Variants in COLGALT2 observed in about 807,000 individuals in gnomAD.
The protein encoded by COLGALT2 is collagen beta(1-O)galactosyltransferase 2.
COLGALT2 carries 49 observed loss-of-function variants against 73.4 expected under a neutral mutation model. That is an observed-to-expected ratio of 0.67 (90% CI 0.53 to 0.85). The LOEUF (loss-of-function observed/expected upper bound fraction) is 0.85. Among genes scored for constraint, COLGALT2 ranks in the 40% least tolerant of loss-of-function variants. The probability of loss-of-function intolerance (pLI) is 0.00; values close to 1 mark genes in which losing one functional copy is unlikely to be tolerated. For synonymous variants in COLGALT2, 295 were observed against 307.6 expected (o/e 0.96, Z 0.43); for missense variants, 722 against 790.2 (o/e 0.91, Z 1.03).
chr1:183,946,867 T>TA (rs1233121628), intron 8 of COLGALT2, among the ~76,000 whole-genome samples: 2 of 152,022 alleles, frequency 1.3e-5, no homozygotes, highest in Non-Finnish European at 2.9e-5. Flanking sequence ...CCATCTCTAC[T>TA]AAAAATACAA....
At position 183,937,371 on chromosome 1, in the gene COLGALT2, T is replaced by C. The variant is rs1022145857; in HGVS notation, c.*1390A>G. 4.0e-6 allele frequency: 4 copies of C among 1,004,564 alleles called. No homozygotes were observed. Among genetic ancestry groups the C allele is most frequent in the Admixed American group, 6.0e-5 (1 of 16,770 alleles). The allele number at this position is 1,004,564 out of a possible 1,614,324, so 62.2% of individuals were successfully genotyped here. Reference sequence around the variant, plus strand: ...CCATGATCTATACTAGGATGACAGATTGTGGAGTGGGAAGAAATCGTGTAG... The same window carrying C: ...CCATGATCTATACTAGGATGACAGACTGTGGAGTGGGAAGAAATCGTGTAG... On this transcript the variant is annotated 3_prime_UTR_variant, in exon 12 of 12. Coordinates refer to ENST00000361927, the MANE Select transcript of COLGALT2 (RefSeq NM_015101.4).
At position 183,936,682 on chromosome 1, in the gene COLGALT2, G is replaced by A; in HGVS notation, c.*2079C>T. 8.1e-7 allele frequency: 1 copy of A among 1,228,684 alleles called. No homozygotes were observed. Among genetic ancestry groups the A allele is most frequent in the Non-Finnish European group, 1.0e-6 (1 of 986,710 alleles). 76.1% of individuals were successfully genotyped at this position (1,228,684 alleles called of 1,614,324 possible). ...TGAAAACAAAAACCAGATACCCAAG[G>A]AAATCTTAGGAATCACCTAAGGAAT... is the stretch of plus-strand genomic sequence containing the variant. On this transcript the variant is annotated 3_prime_UTR_variant, in exon 12 of 12. Coordinates refer to ENST00000361927, the MANE Select transcript of COLGALT2 (RefSeq NM_015101.4).
chr1:183,951,681 G>A (rs1670405926), intron 7 of COLGALT2, among the ~76,000 whole-genome samples: 1 of 152,032 alleles, frequency 6.6e-6, no homozygotes, highest in Non-Finnish European at 1.5e-5. Flanking sequence ...ATAAAACACT[G>A]ATGGAAAAAA....
At chr1:184,036,835 C>T (rs1209837410) in intron 1 of COLGALT2, among the ~76,000 whole-genome samples, 1 of 152,206 alleles carries the variant, frequency 6.6e-6, no homozygotes, top group Non-Finnish European at 1.5e-5. Context: ...TCGCAGGCTA[C>T]CCTCCAGAGC....
intron 10 of COLGALT2, 25 bp downstream of exon 10, chr1:183,944,153 AGTGCCTCTCAGAGCCCTC>A: frequency 6.3e-7 from 1 of 1,579,170 alleles, no homozygotes; most frequent in Non-Finnish European, 8.6e-7. Flanking sequence ...GAAAGGACTG[AGTGCCTCTCAGAGCCCTC>A]TCGTAAGATC....
chr1:183,977,829 A>C (rs1434484659), intron 2 of COLGALT2, among the ~76,000 whole-genome samples: 1 of 148,884 alleles, frequency 6.7e-6, no homozygotes, highest in Admixed American at 6.7e-5. Flanking sequence ...AGAGAGAGAG[A>C]GAGAGAAAGA....
chr1:183,976,103 C>T (rs1268080378), intron 2 of COLGALT2, among the ~76,000 whole-genome samples: 1 of 152,052 alleles, frequency 6.6e-6, no homozygotes, highest in Non-Finnish European at 1.5e-5. Context: ...CCCAAAAATG[C>T]CTGTTCTAAT....
At position 183,936,587 on chromosome 1, in the gene COLGALT2, AG is replaced by A; in HGVS notation, c.*2173del. 1 of 1,157,572 alleles carries A rather than the reference AG, an allele frequency of 8.6e-7. No homozygotes were observed. Among genetic ancestry groups the A allele is most frequent in the Non-Finnish European group, 1.1e-6 (1 of 941,692 alleles). The allele number at this position is 1,157,572 out of a possible 1,614,324, so 71.7% of individuals were successfully genotyped here. ...ATCAACCCAAACTTCCTTCAACCCC[AG>A]CACCCCAGCCACCTCCCACCCCATT... On this transcript the variant is annotated 3_prime_UTR_variant, in exon 12 of 12. Transcript: ENST00000361927.
At chr1:183,969,615 T>G (rs899791755) in intron 4 of COLGALT2, 142 bp from the exon 5 acceptor site, 1 of 590,762 alleles carries the variant, frequency 1.7e-6, no homozygotes, top group African/African-American at 1.9e-5. Flanking sequence ...CCTCTTATCA[T>G]GGCCTATGAA....
At chr1:184,026,640 A>G (rs1649340279) in intron 1 of COLGALT2, among the ~76,000 whole-genome samples, 2 of 152,180 alleles carry the variant, frequency 1.3e-5, no homozygotes, top group South Asian at 4.1e-4. Flanking sequence ...ACTTTGTAAT[A>G]TCATGTAATT....
downstream of COLGALT2, among the ~76,000 whole-genome samples, chr1:183,932,036 G>C (rs1028773234): frequency 6.6e-6 from 1 of 152,144 alleles, no homozygotes; most frequent in African/African-American, 2.4e-5. Context: ...TGAATAATCA[G>C]TATATGAGGT....
intron 1 of COLGALT2, among the ~76,000 whole-genome samples, chr1:184,026,865 T>C (rs1572686335): frequency 1.3e-5 from 2 of 151,532 alleles, no homozygotes; most frequent in African/African-American, 2.5e-5. Context: ...TTGATTTCCC[T>C]GTACTCTAAG....
intron 4 of COLGALT2, among the ~76,000 whole-genome samples, chr1:183,970,000 C>T (rs1670992584): frequency 6.6e-6 from 1 of 152,220 alleles, no homozygotes; most frequent in African/African-American, 2.4e-5. Context: ...GTTGAGACTA[C>T]TGCCCAGCAC....
intron 1 of COLGALT2, among the ~76,000 whole-genome samples, chr1:183,984,848 T>C (rs1402908546): frequency 1.3e-5 from 2 of 152,176 alleles, no homozygotes; most frequent in African/African-American, 2.4e-5. Flanking sequence ...GAAACACGTA[T>C]TGGAGATGTG....
At chr1:183,964,932 T>C (rs1006473567) in intron 5 of COLGALT2, among the ~76,000 whole-genome samples, 11 of 152,240 alleles carry the variant, frequency 7.2e-5, no homozygotes, top group Non-Finnish European at 4.4e-5. Flanking sequence ...TAATTGTCAG[T>C]GTTTTCCAGA....
At chr1:183,984,359 C>T (rs111590559) in intron 1 of COLGALT2, among the ~76,000 whole-genome samples, 3,924 of 152,268 alleles carry the variant, frequency 0.026, 173 homozygotes, top group African/African-American at 0.089. Context: ...GAGCTGAGAT[C>T]GTGCCACTGC....
At chr1:183,929,924 T>C (rs1487282563) in exon 12 of COLGALT2, 1 of 259,188 alleles carries the variant, frequency 3.9e-6, no homozygotes, top group Non-Finnish European at 7.8e-6. Context: ...GGAAACTCCT[T>C]AGTAGCTTTT....
Position 184,000,931 on chromosome 1 carries a change from G to A in COLGALT2, c.264-22411C>T, listed in dbSNP as rs1449417007. Among the ~76,000 whole-genome samples, 4 of 149,322 alleles carry A rather than the reference G, an allele frequency of 2.7e-5. No individual in the cohort carries two copies. The East Asian group carries it at 6.2e-4, about 23-fold the overall frequency. Reference sequence around the variant, plus strand: ...TGCAAGCTCTGCCTCCCGGGTTCACGCCATTCTCCTGCCTCAGCCTCCCGA... The same window carrying A: ...TGCAAGCTCTGCCTCCCGGGTTCACACCATTCTCCTGCCTCAGCCTCCCGA... On this transcript the variant is annotated intron_variant, in intron 1 of 11. Coordinates refer to ENST00000361927, the MANE Select transcript of COLGALT2 (RefSeq NM_015101.4).
At chr1:184,007,037 G>C (rs12563454) in intron 1 of COLGALT2, among the ~76,000 whole-genome samples, 20,684 of 152,230 alleles carry the variant, frequency 0.14, 2,063 homozygotes, top group African/African-American at 0.27. Flanking sequence ...ATTTGAGGAA[G>C]CAGTGTTAGC....
Sources: allele counts gnomAD v4.1 joint callset (sites outside exome capture counted in the v4.1 genomes callset), GRCh38; gene constraint gnomAD v4.1.1; transcripts MANE v1.5; gene names NCBI Gene and HGNC (gene_info 2026-07-23, HGNC 2026-07-21).